ANTXRL: variants seen among roughly 807,000 people sequenced by gnomAD.
ANTXRL encodes ANTXR like.
ANTXRL carries 63 observed loss-of-function variants against 75.4 expected under a neutral mutation model. The ratio of observed to expected loss-of-function variants is 0.84; its 90% CI spans 0.68 to 1.03. The LOEUF is 1.03. Among genes scored for constraint, ANTXRL ranks in the 50% least tolerant of loss-of-function variants. The pLI, the probability that ANTXRL is intolerant of heterozygous loss-of-function variation, is 0.00. For missense variants in ANTXRL, 797 were observed against 789.4 expected (o/e 1.01, Z -0.12); for synonymous variants, 335 against 291.3 (o/e 1.15, Z -1.53).
At chr10:46,302,614 A>T (rs1554960833) in intron 9 of ANTXRL, 108 bp from the exon 10 acceptor site, 5 of 732,226 alleles carry the variant, frequency 6.8e-6, no homozygotes, top group Non-Finnish European at 1.2e-5. Context: ...TCCTTACAGG[A>T]GCCTCTGTGA....
intron 9 of ANTXRL, among the ~76,000 whole-genome samples, chr10:46,300,109 G>C (rs1837628315): frequency 6.6e-6 from 1 of 152,164 alleles, no homozygotes; most frequent in African/African-American, 2.4e-5. Context: ...ACTCCTCCCT[G>C]GAGGCAGCTG....
At chr10:46,289,645 C>G (rs1322179364) in intron 1 of ANTXRL, among the ~76,000 whole-genome samples, 6 of 152,156 alleles carry the variant, frequency 3.9e-5, no homozygotes, top group Non-Finnish European at 8.8e-5. Context: ...AGGAGGATCG[C>G]TTGAGCCTGA....
At chr10:46,294,205 G>A (rs1204366273) in intron 3 of ANTXRL, 7 of 429,086 alleles carry the variant, frequency 1.6e-5, no homozygotes, top group Non-Finnish European at 3.0e-5. Context: ...GATTCCCAGG[G>A]TGCAGGGGCT....
In ANTXRL at chr10:46,297,393, T is replaced by C; in HGVS notation, c.586-13T>C. On this transcript the variant is annotated splice_polypyrimidine_tract_variant and intron_variant, in intron 6 of 16. Coordinates refer to ENST00000620264, the MANE Select transcript of ANTXRL (RefSeq NM_001278688.3). ...ATTTTGATGACCAATATGCAATGCC[T>C]TCTTTCCCTTAGGCTCAAAAGGCTC... The C allele has an allele frequency of 6.5e-7, 1 of 1,536,092 alleles. No homozygotes were observed.
intron 10 of ANTXRL, among the ~76,000 whole-genome samples, chr10:46,304,972 A>G (rs555113982): frequency 6.6e-6 from 1 of 152,188 alleles, no homozygotes; most frequent in Non-Finnish European, 1.5e-5. Flanking sequence ...TGGGGAGCCC[A>G]TGCCACAGCT....
chr10:46,309,723 C>T (rs1183759076), intron 13 of ANTXRL, among the ~76,000 whole-genome samples: 1 of 152,116 alleles, frequency 6.6e-6, no homozygotes, highest in Non-Finnish European at 1.5e-5. Context: ...TACTGAGCTC[C>T]AGCTTCCCCT....
intron 14 of ANTXRL, among the ~76,000 whole-genome samples, chr10:46,310,911 G>A (rs1554963318): frequency 6.6e-6 from 1 of 152,102 alleles, no homozygotes; most frequent in East Asian, 1.9e-4. Flanking sequence ...CTGGATCCAT[G>A]TCTCCTGGCA....
At chr10:46,286,984 C>T (rs1197813989), upstream of ANTXRL, 2 of 510,534 alleles carry the variant, frequency 3.9e-6, no homozygotes, top group Non-Finnish European at 3.5e-6. Context: ...ACCATGTCAA[C>T]CTTCCTGTCA....
Position 46,310,511 on chromosome 10 carries a change from T to C in ANTXRL, c.1173+12T>C. On this transcript the variant is annotated intron_variant, in intron 14 of 16. Coordinates refer to ENST00000620264, the MANE Select transcript of ANTXRL (RefSeq NM_001278688.3). ...AGAAGCCAGAAAAGGTAAGTTGCAG[T>C]TCTGGTCCCGATATTGTCACATCCC... The C allele has an allele frequency of 6.5e-7, 1 of 1,536,066 alleles. No homozygotes were observed. The highest frequency in any genetic ancestry group is 8.7e-7 in the Non-Finnish European group (1 of 1,146,604).
Position 46,309,140 on chromosome 10 carries a change from G to A in ANTXRL, c.1072G>A (p.Val358Met). 4 of 1,535,742 alleles carry A rather than the reference G, an allele frequency of 2.6e-6. No homozygotes were observed. Among genetic ancestry groups the A allele is most frequent in the Non-Finnish European group, 3.5e-6 (4 of 1,146,658 alleles). Residue 358 changes from valine (V) to methionine (M), a missense_variant, in exon 13 of 17, where the codon GTG (valine) becomes ATG (methionine). Val to Met is a conservative substitution (Grantham distance 21). Transcript: ENST00000620264. ...CATTTTCCGCAACTGGCTCTATTTT[G>A]TGCCACTCCTGCTGCTTGTGCCACT... is the stretch of plus-strand genomic sequence containing the variant. ...CGIFRNWLYF[V>M]PLLLLVPLLL...
intron 10 of ANTXRL, among the ~76,000 whole-genome samples, chr10:46,305,290 G>T (rs566030933): frequency 6.6e-5 from 10 of 152,160 alleles, no homozygotes; most frequent in African/African-American, 2.4e-4. Flanking sequence ...TTCTGGAAGC[G>T]CCTGGATGCA....
chr10:46,298,051 A>C lies in ANTXRL; in HGVS notation c.785A>C (p.Glu262Ala). The C allele has an allele frequency of 1.3e-6, 2 of 1,535,354 alleles. No individual in the cohort carries two copies. The highest frequency in any genetic ancestry group is 1.7e-6 in the Non-Finnish European group (2 of 1,146,606). ...GTGACATCGGTGGAGCCTTCCTCTG[A>C]GTGTGTAGGAGGTGAGAGCTGCGGA... ...LDVTSVEPSS[E>A]CVGEPYHVVI... The change falls in exon 9 of 17, where the codon GAG (glutamate) becomes GCG (alanine). Residue 262 changes from glutamate to alanine, a missense_variant. By Grantham distance (107) the Glu-to-Ala change is moderately radical. Coordinates refer to ENST00000620264, the MANE Select transcript of ANTXRL (RefSeq NM_001278688.3).
intron 10 of ANTXRL, 26 bp downstream of exon 10, chr10:46,302,846 A>G: frequency 6.8e-7 from 1 of 1,473,758 alleles, no homozygotes; most frequent in Non-Finnish European, 9.2e-7. Flanking sequence ...TGTGCCTCTG[A>G]GTCACGTATT....
intron 16 of ANTXRL, among the ~76,000 whole-genome samples, chr10:46,314,247 T>A (rs1182876465): frequency 1.6e-4 from 24 of 152,176 alleles, no homozygotes; most frequent in East Asian, 3.9e-4. Context: ...AGGGCACTGC[T>A]GGTGTCAGAG....
chr10:46,322,457 C>CAA (rs797036561), intron 16 of ANTXRL, among the ~76,000 whole-genome samples: 7 of 90,544 alleles, frequency 7.7e-5, no homozygotes, highest in African/African-American at 1.8e-4. Flanking sequence ...GACTCCATCT[C>CAA]AAAAAAAAAA....
At chr10:46,318,133 G>A (rs1838822745) in intron 16 of ANTXRL, among the ~76,000 whole-genome samples, 2 of 152,114 alleles carry the variant, frequency 1.3e-5, no homozygotes, top group Admixed American at 1.3e-4. Flanking sequence ...TTAGTGCCCG[G>A]GGTCCTGCTC....
intron 16 of ANTXRL, among the ~76,000 whole-genome samples, chr10:46,325,281 A>G (rs1839160905): frequency 6.6e-6 from 1 of 152,062 alleles, no homozygotes; most frequent in African/African-American, 2.4e-5. Context: ...AAAGTCAACA[A>G]TCTCCTTTCC....
chr10:46,306,878 TG>T lies in ANTXRL; in HGVS notation c.965+7del. The T allele has an allele frequency of 1.3e-6, 2 of 1,526,624 alleles. No individual in the cohort carries two copies. Among genetic ancestry groups the T allele is most frequent in the Non-Finnish European group, 1.8e-6 (2 of 1,142,436 alleles). The allele number at this position is 1,526,624 out of a possible 1,614,324, so 94.6% of individuals were successfully genotyped here. A position where few individuals can be genotyped will look rare whatever the true frequency, so the allele number is the denominator to read the frequency against. ...AAACTAGAAAAACCTGGAGAGTAAG[TG>T]CCCCTGGCAGGAGGCTAGAGGGCAA... On this transcript the variant is annotated splice_region_variant and intron_variant, in intron 11 of 16. Transcript: ENST00000620264.
intron 1 of ANTXRL, among the ~76,000 whole-genome samples, 160 bp downstream of exon 1, chr10:46,287,670 A>C (rs565212044): frequency 3.9e-5 from 6 of 152,244 alleles, no homozygotes; most frequent in Admixed American, 3.3e-4. Flanking sequence ...TTTCTGAGGC[A>C]GAAAGAATGC....
Sources: gnomAD v4.1 joint callset for allele counts (sites outside exome capture counted in the v4.1 genomes callset) on GRCh38, gnomAD v4.1.1 for gene constraint, MANE v1.5 for transcripts, NCBI Gene and HGNC (gene_info 2026-07-23, HGNC 2026-07-21) for gene names.